SMYD3: variants seen among roughly 807,000 people sequenced by gnomAD.
The protein encoded by SMYD3 is SET and MYND domain containing 3.
A neutral mutation model predicts 57.7 loss-of-function variants in SMYD3; 36 were observed. The ratio of observed to expected loss-of-function variants is 0.62; its 90% CI spans 0.48 to 0.82. SMYD3 has a LOEUF of 0.82. Ranked by LOEUF, SMYD3 falls within the 40% of genes least tolerant of loss-of-function variation. The probability of loss-of-function intolerance (pLI) is 0.00; values close to 1 mark genes in which losing one functional copy is unlikely to be tolerated. For missense variants in SMYD3, 515 were observed against 538.8 expected, an observed-to-expected ratio of 0.96 and a Z score of 0.44; for synonymous variants, 211 against 195.0, an observed-to-expected ratio of 1.08 and a Z score of -0.68.
intron 5 of SMYD3, among the ~76,000 whole-genome samples, chr1:245,956,299 C>T (rs1031075995): frequency 5.3e-5 from 8 of 152,222 alleles, no homozygotes; most frequent in Admixed American, 3.9e-4. Context: ...TTAAGATAAA[C>T]GAATTTGAGA....
At chr1:245,960,248 C>G (rs116868772) in intron 5 of SMYD3, among the ~76,000 whole-genome samples, 2 of 152,292 alleles carry the variant, frequency 1.3e-5, no homozygotes, top group East Asian at 3.9e-4. Context: ...GATATGTAAT[C>G]ATTTGCTACT....
rs747083559 is a variant in SMYD3 at position 246,327,316 on chromosome 1, T to G, written c.416A>C (p.Asp139Ala). 26 of 1,612,738 alleles carry G rather than the reference T, an allele frequency of 1.6e-5. No individual in the cohort carries two copies. Among genetic ancestry groups the G allele is most frequent in the Non-Finnish European group, 2.2e-5 (26 of 1,179,614 alleles). Residue 139 changes from aspartate to alanine, a missense_variant, in exon 5 of 12, where the codon GAT becomes GCT. By Grantham distance (126) the Asp-to-Ala change is moderately radical (BLOSUM62 -2). Transcript: ENST00000490107. The part of the protein sequence containing the change: ...LESNINKLTE[D>A]KKEGLRQLVM... ...GAGTTGCCTGAGGCCCTCTTTCTTA[T>G]CTTCAGTCAGTTTGTTAATATCTTT...
At chr1:245,931,257 A>G (rs577074626) in intron 5 of SMYD3, among the ~76,000 whole-genome samples, 113 of 152,242 alleles carry the variant, frequency 7.4e-4, no homozygotes, top group African/African-American at 2.6e-3. Flanking sequence ...AAGTGGAGAA[A>G]ATGGTTAGGA....
intron 5 of SMYD3, among the ~76,000 whole-genome samples, chr1:246,249,095 T>C (rs549327411): frequency 6.6e-6 from 1 of 152,036 alleles, no homozygotes; most frequent in East Asian, 1.9e-4. Context: ...TTTTTTATAG[T>C]ATGATCATTG....
Position 245,764,142 on chromosome 1 carries a change from A to G in SMYD3, c.1084T>C (p.Phe362Leu). Residue 362 changes from phenylalanine to leucine, a missense_variant, in exon 11 of 12, where the codon TTC becomes CTC. Coordinates refer to ENST00000490107, the MANE Select transcript of SMYD3 (RefSeq NM_001167740.2). ...TRTMEPYRIFFPGSHPVRGVQ... is the reference protein window; with the variant it reads ...TRTMEPYRIFLPGSHPVRGVQ... Reference sequence around the variant, plus strand: ...CCTCTGACGGGATGGCTTCCTGGGAAAAAAATCCTGGAAGAAACCAAACGG... The same window carrying G: ...CCTCTGACGGGATGGCTTCCTGGGAGAAAAATCCTGGAAGAAACCAAACGG... 1 of 1,613,548 alleles carries G rather than the reference A, an allele frequency of 6.2e-7. No individual in the cohort carries two copies. Among genetic ancestry groups the G allele is most frequent in the Non-Finnish European group, 8.5e-7 (1 of 1,179,544 alleles).
chr1:245,944,523 C>T (rs1055796514), intron 5 of SMYD3, among the ~76,000 whole-genome samples: 1 of 152,198 alleles, frequency 6.6e-6, no homozygotes, highest in East Asian at 1.9e-4. Context: ...ATTCCATGCT[C>T]ATAGATAGGA....
intron 1 of SMYD3, among the ~76,000 whole-genome samples, chr1:246,449,141 A>G (rs1225634863): frequency 6.6e-6 from 1 of 152,116 alleles, no homozygotes. Flanking sequence ...CTGAGATGGG[A>G]GAGTCACTTG....
chr1:246,474,334 A>G (rs1459501328), intron 1 of SMYD3, among the ~76,000 whole-genome samples: 1 of 152,192 alleles, frequency 6.6e-6, no homozygotes, highest in Non-Finnish European at 1.5e-5. Flanking sequence ...CCTGGCTAAC[A>G]CGGTGAAATC....
intron 5 of SMYD3, chr1:246,188,979 T>G (rs2062691328): frequency 6.6e-6 from 1 of 151,474 alleles, no homozygotes; most frequent in South Asian, 2.1e-4. Flanking sequence ...AAAAAAGGTC[T>G]GTATGTTTCA....
intron 1 of SMYD3, among the ~76,000 whole-genome samples, chr1:246,409,891 C>T (rs1017339575): frequency 7.6e-4 from 116 of 152,272 alleles, no homozygotes; most frequent in African/African-American, 2.6e-3. Context: ...AGGTCCTTCA[C>T]GTCCCTTGTA....
At chr1:246,442,680 GAGGTTAAGT>G (rs2067488127) in intron 1 of SMYD3, among the ~76,000 whole-genome samples, 1 of 152,168 alleles carries the variant, frequency 6.6e-6, no homozygotes. Flanking sequence ...AGACCAGTTG[GAGGTTAAGT>G]TTAAAAATAT....
At chr1:246,464,502 G>C (rs1017039129) in intron 1 of SMYD3, among the ~76,000 whole-genome samples, 1 of 152,158 alleles carries the variant, frequency 6.6e-6, no homozygotes, top group Non-Finnish European at 1.5e-5. Context: ...GGGTGACAGA[G>C]ACAGACCCTG....
At chr1:246,033,677 C>T (rs929292057) in intron 5 of SMYD3, among the ~76,000 whole-genome samples, 5 of 152,092 alleles carry the variant, frequency 3.3e-5, no homozygotes, top group Non-Finnish European at 7.4e-5. Flanking sequence ...ATCTCACCTA[C>T]TCGTGAGGCT....
chr1:246,120,344 T>C (rs1031151571), intron 5 of SMYD3, among the ~76,000 whole-genome samples: 4 of 152,164 alleles, frequency 2.6e-5, no homozygotes, highest in African/African-American at 9.7e-5. Context: ...CAAATTTTCA[T>C]AGATGAGGGG....
intron 1 of SMYD3, among the ~76,000 whole-genome samples, chr1:246,480,334 G>C (rs972359391): frequency 3.3e-5 from 5 of 152,132 alleles, no homozygotes; most frequent in African/African-American, 1.2e-4. Flanking sequence ...GGGCTCCTGA[G>C]ACTCCATGTG....
chr1:246,413,087 C>T (rs1572477634), intron 1 of SMYD3, among the ~76,000 whole-genome samples: 1 of 152,134 alleles, frequency 6.6e-6, no homozygotes, highest in African/African-American at 2.4e-5. Flanking sequence ...CCCAATTTGT[C>T]TAATTCTATT....
intron 1 of SMYD3, among the ~76,000 whole-genome samples, chr1:246,462,862 T>C (rs981331895): frequency 3.3e-5 from 5 of 151,912 alleles, no homozygotes; most frequent in Non-Finnish European, 7.4e-5. Context: ...AAAATACATT[T>C]TAATTGAGTA....
chr1:245,858,705 C>T (rs755211229), intron 9 of SMYD3, 35 bp from the exon 10 acceptor site: 1 of 1,585,758 alleles, frequency 6.3e-7, no homozygotes, highest in Non-Finnish European at 8.6e-7. Flanking sequence ...TCATTGTCTT[C>T]ATCAAGAAAA....
chr1:246,254,486 CT>C (rs1488230965), intron 5 of SMYD3, among the ~76,000 whole-genome samples: 14 of 152,260 alleles, frequency 9.2e-5, no homozygotes, highest in Non-Finnish European at 2.1e-4. Context: ...CTCTGTTCCA[CT>C]GGTCTATGTG....
Sources: gnomAD v4.1 joint callset for allele counts (sites outside exome capture counted in the v4.1 genomes callset) on GRCh38, gnomAD v4.1.1 for gene constraint, MANE v1.5 for transcripts, NCBI Gene and HGNC (gene_info 2026-07-23, HGNC 2026-07-21) for gene names.